Variants in SLC16A14 observed in about 807,000 individuals in gnomAD.
SLC16A14 encodes solute carrier family 16 member 14.
In SLC16A14, 14 loss-of-function variants were observed where a neutral mutation model predicts 35.8. The ratio of observed to expected loss-of-function variants is 0.39; its 90% CI spans 0.26 to 0.61. SLC16A14 has a LOEUF of 0.61. SLC16A14 is among the 20% of genes least tolerant of loss of function. SLC16A14 has a pLI of 0.51. For synonymous variants in SLC16A14, 248 were observed against 258.9 expected, an observed-to-expected ratio of 0.96 and a Z score of 0.40; for missense variants, 533 against 655.0, an observed-to-expected ratio of 0.81 and a Z score of 2.03.
In SLC16A14 at chr2:230,059,091, T is replaced by C; in HGVS notation, c.259+3A>G. ...TTTTACGACAGGTCACACATGAACA[T>C]ACCCACTATCAAGGTGATGCCCATG... On this transcript the variant is annotated splice_donor_region_variant and intron_variant, in intron 2 of 4. Coordinates refer to ENST00000295190, the MANE Select transcript of SLC16A14 (RefSeq NM_152527.5). 6.2e-7 allele frequency: 1 copy of C among 1,603,604 alleles called. No individual in the cohort carries two copies. The highest frequency in any genetic ancestry group is 8.5e-7 in the Non-Finnish European group (1 of 1,174,780).
Position 230,045,926 on chromosome 2 carries a change from C to A in SLC16A14, c.1200G>T (p.Pro400=). The A allele has an allele frequency of 1.2e-6, 2 of 1,612,274 alleles. No homozygotes were observed. The highest frequency in any genetic ancestry group is 1.7e-6 in the Non-Finnish European group (2 of 1,178,418). ...FTLVLSIFIL[P]LMHTYAGLAV... ...CCAGGCCAGCGTACGTGTGCATCAA[C>A]GGCAGAATAAAAATACTGAGGACAA... is the stretch of plus-strand genomic sequence containing the variant. Residue 400 remains proline, a synonymous_variant, in exon 4 of 5, where the codon CCG becomes CCT. Coordinates refer to ENST00000295190, the MANE Select transcript of SLC16A14 (RefSeq NM_152527.5).
intron 1 of SLC16A14, chr2:230,067,351 T>C (rs1294327042): frequency 2.6e-5 from 4 of 152,308 alleles, no homozygotes; most frequent in African/African-American, 9.6e-5. Flanking sequence ...TGGCTTCTCC[T>C]CCAGTCCAAT....
chr2:230,056,252 G>GT lies in SLC16A14; in HGVS notation c.259+2841dup, dbSNP rs5839355. 4.5e-3 allele frequency among the ~76,000 whole-genome samples: 494 copies of GT among 109,992 alleles called. 3 individuals are homozygous for GT. The highest frequency in any genetic ancestry group is 0.022 in the South Asian group (73 of 3,284). 72.2% of individuals were successfully genotyped at this position (109,992 alleles called of 152,430 possible). ...GACTACCATTGTTACTAATATTGGT[G>GT]TTTTTTTTTTTTTTTTTTTTGAGAC... On this transcript the variant is annotated intron_variant, in intron 2 of 4. Coordinates refer to ENST00000295190, the MANE Select transcript of SLC16A14 (RefSeq NM_152527.5).
chr2:230,061,170 A>G (rs1277393733), intron 1 of SLC16A14, among the ~76,000 whole-genome samples: 1 of 152,168 alleles, frequency 6.6e-6, no homozygotes, highest in Non-Finnish European at 1.5e-5. Context: ...AACAACAAAC[A>G]ACTAAAAGTT....
intron 1 of SLC16A14, among the ~76,000 whole-genome samples, chr2:230,061,737 C>G (rs1038019601): frequency 6.8e-6 from 1 of 147,850 alleles, no homozygotes; most frequent in South Asian, 2.1e-4. Context: ...TCAATTTGAA[C>G]AATATCTTTT....
chr2:230,050,283 C>T (rs2077648735), intron 2 of SLC16A14, among the ~76,000 whole-genome samples: 1 of 152,160 alleles, frequency 6.6e-6, no homozygotes, highest in African/African-American at 2.4e-5. Context: ...CACAAAAAGT[C>T]CAGTGGCAAC....
At chr2:230,064,775 C>T (rs2106282305) in intron 1 of SLC16A14, among the ~76,000 whole-genome samples, 1 of 152,272 alleles carries the variant, frequency 6.6e-6, no homozygotes, top group East Asian at 1.9e-4. Flanking sequence ...CTTTGGGAGG[C>T]CGAGGTAGGC....
chr2:230,066,896 G>A, intron 1 of SLC16A14: 1 of 237,880 alleles, frequency 4.2e-6, no homozygotes, highest in Admixed American at 5.3e-5. Context: ...CAAAATGCTG[G>A]GATTACAGGC....
intron 4 of SLC16A14, among the ~76,000 whole-genome samples, chr2:230,039,050 C>T (rs2077539548): frequency 6.6e-6 from 1 of 151,776 alleles, no homozygotes; most frequent in Non-Finnish European, 1.5e-5. Flanking sequence ...GAAACAGCCA[C>T]ACAAAAGCAA....
At chr2:230,043,475 A>T (rs968160724) in intron 4 of SLC16A14, among the ~76,000 whole-genome samples, 2 of 152,242 alleles carry the variant, frequency 1.3e-5, no homozygotes, top group African/African-American at 2.4e-5. Flanking sequence ...TCCTGTACCC[A>T]TGGGATTCCT....
chr2:230,066,638 ATTTTTTT>A, intron 1 of SLC16A14: 1 of 377,574 alleles, frequency 2.6e-6, no homozygotes, highest in South Asian at 1.9e-5. Context: ...CAAGCAAGTC[ATTTTTTT>A]TTTTTTTTTG....
At chr2:230,055,546 T>C (rs2077697737) in intron 2 of SLC16A14, among the ~76,000 whole-genome samples, 1 of 152,208 alleles carries the variant, frequency 6.6e-6, no homozygotes, top group East Asian at 1.9e-4. Context: ...TCAGGGACTC[T>C]CAAACAAAAT....
chr2:230,065,396 T>G (rs183757325), intron 1 of SLC16A14, among the ~76,000 whole-genome samples: 18 of 152,260 alleles, frequency 1.2e-4, no homozygotes, highest in African/African-American at 4.1e-4. Context: ...AGCTGGGACT[T>G]CAGGTGTGCA....
chr2:230,047,635 A>G (rs2077620773), intron 3 of SLC16A14, among the ~76,000 whole-genome samples: 1 of 152,144 alleles, frequency 6.6e-6, no homozygotes, highest in Non-Finnish European at 1.5e-5. Flanking sequence ...AACTGTTTTA[A>G]CCAGAGGAAT....
chr2:230,056,870 T>C (rs1209427130), intron 2 of SLC16A14, among the ~76,000 whole-genome samples: 2 of 121,796 alleles, frequency 1.6e-5, no homozygotes, highest in Non-Finnish European at 3.3e-5. Context: ...ACCCTGTTTC[T>C]ACAAAAAGTA....
chr2:230,055,802 G>A (rs4973253), intron 2 of SLC16A14, among the ~76,000 whole-genome samples: 106,301 of 152,042 alleles, frequency 0.7, 37,468 homozygotes, highest in Non-Finnish European at 0.73. Context: ...ATGTTACTGC[G>A]TGCATACACT....
intron 4 of SLC16A14, among the ~76,000 whole-genome samples, chr2:230,037,739 G>A (rs1349053045): frequency 6.6e-6 from 1 of 151,326 alleles, no homozygotes; most frequent in African/African-American, 2.4e-5. Context: ...ATTTTAAAGG[G>A]TGTGCTGTAC....
At chr2:230,040,148 T>C (rs1287439656) in intron 4 of SLC16A14, among the ~76,000 whole-genome samples, 1 of 152,174 alleles carries the variant, frequency 6.6e-6, no homozygotes, top group East Asian at 1.9e-4. Context: ...CCTTCATCTT[T>C]ACTCTGCAGA....
Position 230,049,826 on chromosome 2 carries a change from C to T in SLC16A14, c.338G>A (p.Gly113Asp), listed in dbSNP as rs1249104596. 12 of 1,613,990 alleles carry T rather than the reference C, an allele frequency of 7.4e-6. No individual in the cohort carries two copies. Among genetic ancestry groups the T allele is most frequent in the Non-Finnish European group, 1.0e-5 (12 of 1,179,984 alleles). The change falls in exon 3 of 5, where the codon GGC becomes GAC. Residue 113 changes from glycine (G) to aspartate (D), a missense_variant. Transcript: ENST00000295190. ...AIIGGLVNSL[G>D]WVLSAYAANV... ...TGCAGCATAGGCACTCAACACCCAGCCCAGGGAGTTGACGAGCCCTCCAAT... is the reference window on the plus strand; with the variant it reads ...TGCAGCATAGGCACTCAACACCCAGTCCAGGGAGTTGACGAGCCCTCCAAT...
Sources: allele counts gnomAD v4.1 joint callset (sites outside exome capture counted in the v4.1 genomes callset), GRCh38; gene constraint gnomAD v4.1.1; transcripts MANE v1.5; gene names NCBI Gene and HGNC (gene_info 2026-07-23, HGNC 2026-07-21).